Variants in CERS6 observed in about 807,000 individuals in gnomAD.
CERS6 encodes the protein ceramide synthase 6, also known as LAG1 homolog, ceramide synthase 6.
Under a neutral mutation model 56.8 loss-of-function variants are expected in CERS6, and 26 were observed. That is an observed-to-expected ratio of 0.46 (90% CI 0.34 to 0.63). The LOEUF is 0.63. Among genes scored for constraint, CERS6 ranks in the 30% least tolerant of loss-of-function variants. The pLI is 0.01. For synonymous variants in CERS6, 164 were observed against 173.3 expected (o/e 0.95, Z 0.42); for missense variants, 415 against 467.5 (o/e 0.89, Z 1.04).
At chr2:168,710,592 A>C (rs1687065685) in intron 6 of CERS6, among the ~76,000 whole-genome samples, 1 of 152,222 alleles carries the variant, frequency 6.6e-6, no homozygotes, top group African/African-American at 2.4e-5. Flanking sequence ...GTAGAACACT[A>C]TACTCCACAT....
In CERS6 at chr2:168,612,274, G is replaced by A. The variant is rs890564568; in HGVS notation, c.408-18711G>A. 5.9e-5 allele frequency among the ~76,000 whole-genome samples: 9 copies of A among 152,202 alleles called. No homozygotes were observed. The South Asian group carries it at 1.4e-3, about 24-fold the overall frequency. On this transcript the variant is annotated intron_variant, in intron 3 of 9. Transcript: ENST00000305747. The stretch of plus-strand genomic sequence containing the variant: ...ATAGCTTCCTGAGAGCCAGTCCTAC[G>A]TAGAAGATTTAAGACACAGATCTTT...
chr2:168,597,889 A>G (rs545930346), intron 3 of CERS6, among the ~76,000 whole-genome samples: 4 of 152,174 alleles, frequency 2.6e-5, no homozygotes, highest in Admixed American at 6.5e-5. Flanking sequence ...TCTAAATTGC[A>G]TAGACTTTAA....
intron 3 of CERS6, among the ~76,000 whole-genome samples, chr2:168,594,248 G>T (rs1683742078): frequency 6.6e-6 from 1 of 151,968 alleles, no homozygotes; most frequent in African/African-American, 2.4e-5. Context: ...AAATTACTTG[G>T]TGCTTCTTTG....
In CERS6 at chr2:168,577,463, A is replaced by T. The variant is rs188352001; in HGVS notation, c.407+16141A>T. 3.0e-4 allele frequency among the ~76,000 whole-genome samples: 46 copies of T among 152,342 alleles called. 1 individual carries two copies. The highest frequency in any genetic ancestry group is 1.1e-3 in the African/African-American group (45 of 41,596). ...GGTCCAGAAAAAGAGAATAGTCATT[A>T]GAGGAGGAATTTGGGGTTAAGGATT... On this transcript the variant is annotated intron_variant, in intron 3 of 9. Coordinates refer to ENST00000305747, the MANE Select transcript of CERS6 (RefSeq NM_203463.3).
chr2:168,651,014 GAA>G (rs1488674584), intron 4 of CERS6, among the ~76,000 whole-genome samples: 1 of 152,178 alleles, frequency 6.6e-6, no homozygotes, highest in Non-Finnish European at 1.5e-5. Flanking sequence ...GGTGGTGAGA[GAA>G]AGGGAAGTCA....
intron 3 of CERS6, among the ~76,000 whole-genome samples, chr2:168,562,565 A>G (rs957807071): frequency 8.5e-5 from 13 of 152,368 alleles, no homozygotes; most frequent in East Asian, 3.9e-4. Context: ...ATGACTGGAC[A>G]TGCACGTAAG....
chr2:168,646,211 T>A (rs1455347488), intron 4 of CERS6, among the ~76,000 whole-genome samples: 1 of 152,226 alleles, frequency 6.6e-6, no homozygotes, highest in Non-Finnish European at 1.5e-5. Flanking sequence ...TGTTACTTGT[T>A]GACTTTTCAA....
intron 1 of CERS6, among the ~76,000 whole-genome samples, chr2:168,525,703 T>C (rs1695059203): frequency 6.6e-6 from 1 of 152,222 alleles, no homozygotes. Context: ...AAAGAAAAAC[T>C]TGACTTTTGC....
At position 168,691,145 on chromosome 2, in the gene CERS6, C is replaced by G. The variant is rs537940689; in HGVS notation, c.516+61C>G. 34 of 1,517,650 alleles carry G rather than the reference C, an allele frequency of 2.2e-5. No homozygotes were observed. In the African/African-American group the frequency reaches 4.7e-4, roughly 21 times the overall value. 94.0% of individuals were successfully genotyped at this position (1,517,650 alleles called of 1,614,324 possible). On this transcript the variant is annotated intron_variant, in intron 5 of 9. Transcript: ENST00000305747. ...TTAAGTATCTACCTTCGGTCAATTT[C>G]ATGGTCTCAGGCAGGCCCCAACAGG...
At chr2:168,623,900 T>C (rs778248597) in intron 3 of CERS6, among the ~76,000 whole-genome samples, 10 of 152,226 alleles carry the variant, frequency 6.6e-5, no homozygotes, top group South Asian at 2.1e-4. Flanking sequence ...TTCACAAAGT[T>C]ACTTGTTAAA....
rs1028781934 is a variant in CERS6, at chr2:168,574,868, T to G, written c.407+13546T>G. Among the ~76,000 whole-genome samples, 4 of 152,350 alleles carry G rather than the reference T, an allele frequency of 2.6e-5. No individual in the cohort carries two copies. In the South Asian group the frequency reaches 8.3e-4, roughly 32 times the overall value. On this transcript the variant is annotated intron_variant, in intron 3 of 9. Coordinates refer to ENST00000305747, the MANE Select transcript of CERS6 (RefSeq NM_203463.3). ...AGGTATAATTATTTGGCAGATTTGA[T>G]ATGATGATTTTTGTTGGAGGAGTTA...
At chr2:168,685,661 C>T (rs1192616133) in intron 4 of CERS6, among the ~76,000 whole-genome samples, 1 of 152,060 alleles carries the variant, frequency 6.6e-6, no homozygotes, top group Non-Finnish European at 1.5e-5. Flanking sequence ...ATAAATTGCA[C>T]TCGATTCTTA....
intron 3 of CERS6, among the ~76,000 whole-genome samples, chr2:168,581,571 TCTC>T (rs1292528903): frequency 2.0e-5 from 3 of 152,288 alleles, no homozygotes; most frequent in African/African-American, 4.8e-5. Flanking sequence ...TTTATTATCT[TCTC>T]CTTCTAGTTT....
At chr2:168,491,156 A>G (rs1318151662) in intron 1 of CERS6, among the ~76,000 whole-genome samples, 3 of 152,194 alleles carry the variant, frequency 2.0e-5, no homozygotes, top group African/African-American at 7.2e-5. Flanking sequence ...GCAAACTGCC[A>G]TTGTCAGCTT....
chr2:168,727,144 G>A (rs1683375636), intron 8 of CERS6, among the ~76,000 whole-genome samples: 2 of 152,188 alleles, frequency 1.3e-5, no homozygotes, highest in African/African-American at 2.4e-5. Context: ...GTCAGCTACT[G>A]TTCAGACAGA....
At chr2:168,573,603 G>A (rs1253767227) in intron 3 of CERS6, among the ~76,000 whole-genome samples, 1 of 152,170 alleles carries the variant, frequency 6.6e-6, no homozygotes, top group African/African-American at 2.4e-5. Flanking sequence ...AAGCCTTGCA[G>A]TGTTTATCAT....
rs931505811 is a variant in CERS6, at chr2:168,522,551, T to C, written c.171-25045T>C. On this transcript the variant is annotated intron_variant, in intron 1 of 9. Transcript: ENST00000305747. ...GTAACTTAGGTGAATTTTTTTTTTT[T>C]AGACAGGGTCTCGCTCTGTTGCTCA... Among the ~76,000 whole-genome samples, 14 of 151,306 alleles carry C rather than the reference T, an allele frequency of 9.3e-5. 1 individual carries two copies.
At chr2:168,506,065 C>T (rs745683329) in intron 1 of CERS6, among the ~76,000 whole-genome samples, 21 of 152,166 alleles carry the variant, frequency 1.4e-4, no homozygotes, top group Non-Finnish European at 2.8e-4. Context: ...TTCTCCTTTT[C>T]TATTCTTTTT....
chr2:168,520,598 C>CTTTTTTTTTTTTTT (rs150724635), intron 1 of CERS6, among the ~76,000 whole-genome samples: 718 of 57,944 alleles, frequency 0.012, 101 homozygotes, highest in Middle Eastern at 0.037. Flanking sequence ...TTACAATATC[C>CTTTTTTTTTTTTTT]TTTTTTTTTT....
Sources: gnomAD v4.1 joint callset for allele counts (sites outside exome capture counted in the v4.1 genomes callset) on GRCh38, gnomAD v4.1.1 for gene constraint, MANE v1.5 for transcripts, NCBI Gene and HGNC (gene_info 2026-07-23, HGNC 2026-07-21) for gene names.